The following MYO10 variants were observed in gnomAD, a reference collection of about 807,000 sequenced individuals.
The protein encoded by MYO10 is myosin X, also known as unconventional myosin-X.
In MYO10, 133 loss-of-function variants were observed where a neutral mutation model predicts 257.3. The observed-to-expected ratio is 0.52, with a 90% CI of 0.45 to 0.60. The LOEUF (loss-of-function observed/expected upper bound fraction) is 0.60. MYO10 is among the 20% of genes least tolerant of loss of function. The pLI is 0.00. For synonymous variants in MYO10, 1,104 were observed against 1,028.6 expected (o/e 1.07, Z -1.40); for missense variants, 2,399 against 2,635.7 (o/e 0.91, Z 1.97).
At chr5:16,913,268 C>A (rs900799290) in intron 1 of MYO10, among the ~76,000 whole-genome samples, 4 of 152,106 alleles carry the variant, frequency 2.6e-5, no homozygotes, top group Non-Finnish European at 4.4e-5. Flanking sequence ...CCTGTCAGGT[C>A]ATTTTAAAAA....
In MYO10 at chr5:16,856,477, G is replaced by C. The variant is rs558309519; in HGVS notation, c.120+21132C>G. ...AGGCAGGAGAATCGCTTGAACCTGGGAGGCGGAGGTTGCAGTGAGCCGAGA... is the reference window on the plus strand; with the variant it reads ...AGGCAGGAGAATCGCTTGAACCTGGCAGGCGGAGGTTGCAGTGAGCCGAGA... On this transcript the variant is annotated intron_variant, in intron 2 of 40. Transcript: ENST00000513610. 2.9e-4 allele frequency among the ~76,000 whole-genome samples: 44 copies of C among 152,060 alleles called. 1 individual carries two copies. In the South Asian group the frequency reaches 8.9e-3, roughly 31 times the overall value.
chr5:16,848,481 A>C (rs1743707195), intron 2 of MYO10, among the ~76,000 whole-genome samples: 1 of 152,090 alleles, frequency 6.6e-6, no homozygotes, highest in African/African-American at 2.4e-5. Flanking sequence ...TTTACTGCAG[A>C]AATTAAGATC....
chr5:16,863,358 G>C (rs1369746434), intron 2 of MYO10, among the ~76,000 whole-genome samples: 2 of 149,872 alleles, frequency 1.3e-5, no homozygotes, highest in Non-Finnish European at 1.5e-5. Context: ...CCATGTTCTA[G>C]GAAAAAGGGT....
At chr5:16,757,601 A>T (rs1740572980) in intron 18 of MYO10, among the ~76,000 whole-genome samples, 1 of 152,144 alleles carries the variant, frequency 6.6e-6, no homozygotes, top group South Asian at 2.1e-4. Flanking sequence ...ATAGCCATTT[A>T]TTTTTTTAAA....
intron 18 of MYO10, among the ~76,000 whole-genome samples, chr5:16,757,754 TC>T (rs35319799): frequency 6.6e-6 from 1 of 151,984 alleles, no homozygotes. Flanking sequence ...AATCTTGATC[TC>T]CCAGGCTCAG....
intron 1 of MYO10, among the ~76,000 whole-genome samples, chr5:16,903,060 G>A (rs1745428287): frequency 2.0e-5 from 3 of 152,288 alleles, no homozygotes; most frequent in Admixed American, 6.5e-5. Flanking sequence ...TGTCCTAAAC[G>A]CTTCACACGC....
intron 3 of MYO10, among the ~76,000 whole-genome samples, chr5:16,808,212 C>T (rs6877076): frequency 0.014 from 2,174 of 152,278 alleles, 59 homozygotes; most frequent in African/African-American, 0.05. Flanking sequence ...CCTGTAATCC[C>T]AGCACTTTAG....
chr5:16,709,633 G>A (rs540620477), intron 21 of MYO10, among the ~76,000 whole-genome samples: 1 of 152,240 alleles, frequency 6.6e-6, no homozygotes, highest in African/African-American at 2.4e-5. Context: ...ATACCCTGAG[G>A]TCCAGAAAAG....
intron 19 of MYO10, among the ~76,000 whole-genome samples, chr5:16,719,965 TAAAG>T (rs1365376163): frequency 3.3e-5 from 5 of 149,848 alleles, no homozygotes; most frequent in Admixed American, 6.7e-5. Context: ...ACTCGGTCCC[TAAAG>T]AAATAAATGT....
chr5:16,849,404 C>A (rs1043420114), intron 2 of MYO10, among the ~76,000 whole-genome samples: 1 of 150,624 alleles, frequency 6.6e-6, no homozygotes, highest in South Asian at 2.1e-4. Context: ...AGAGTTTGTG[C>A]CACTAGAATC....
Position 16,742,783 on chromosome 5 carries a change from C to T in MYO10, c.1929+12045G>A, listed in dbSNP as rs542461516. Reference sequence around the variant, plus strand: ...TGAGATCACACCACTGCACTCCAGCCTGGGTGACACAGAGCAAGACTCGGT... The same window carrying T: ...TGAGATCACACCACTGCACTCCAGCTTGGGTGACACAGAGCAAGACTCGGT... On this transcript the variant is annotated intron_variant, in intron 19 of 40. Transcript: ENST00000513610. Among the ~76,000 whole-genome samples the T allele has an allele frequency of 2.7e-5, 4 of 149,010 alleles. No homozygotes were observed. In the East Asian group the frequency reaches 8.0e-4, roughly 30 times the overall value.
intron 19 of MYO10, among the ~76,000 whole-genome samples, chr5:16,722,778 A>G (rs1739200165): frequency 6.6e-6 from 1 of 152,248 alleles, no homozygotes; most frequent in African/African-American, 2.4e-5. Context: ...CTTTGGGGAT[A>G]ACTTTGATAC....
At chr5:16,818,946 A>G (rs1580028999) in intron 2 of MYO10, among the ~76,000 whole-genome samples, 1 of 152,228 alleles carries the variant, frequency 6.6e-6, no homozygotes, top group East Asian at 1.9e-4. Context: ...TGGTTTCCCT[A>G]TATAATGTTT....
chr5:16,754,315 CATT>C, intron 19 of MYO10, among the ~76,000 whole-genome samples: 1 of 152,038 alleles, frequency 6.6e-6, no homozygotes, highest in East Asian at 1.9e-4. Flanking sequence ...AGAGCCAAGA[CATT>C]AATACTTATG....
At position 16,843,907 on chromosome 5, in the gene MYO10, T is replaced by G. The variant is rs188320713; in HGVS notation, c.121-25740A>C. On this transcript the variant is annotated intron_variant, in intron 2 of 40. Transcript: ENST00000513610. ...ACCTGAAAAGGTTAAGTGAAGACAC[T>G]ACTAAATAATAATTACATGGTTATA... 3.7e-3 allele frequency among the ~76,000 whole-genome samples: 569 copies of G among 152,328 alleles called. 1 individual carries two copies. The highest frequency in any genetic ancestry group is 5.9e-3 in the Non-Finnish European group (401 of 68,030).
At chr5:16,681,213 T>A in intron 32 of MYO10, 96 bp downstream of exon 32, 1 of 1,308,272 alleles carries the variant, frequency 7.6e-7, no homozygotes, top group Non-Finnish European at 1.0e-6. Context: ...TGGGGGGAAA[T>A]AAAGTACACA....
intron 2 of MYO10, among the ~76,000 whole-genome samples, chr5:16,848,786 C>T (rs73060796): frequency 0.047 from 7,188 of 152,130 alleles, 594 homozygotes; most frequent in African/African-American, 0.17. Flanking sequence ...ATTGGAAACA[C>T]TGCCTTAGGG....
At chr5:16,736,047 C>T (rs936232433) in intron 19 of MYO10, among the ~76,000 whole-genome samples, 4 of 152,116 alleles carry the variant, frequency 2.6e-5, no homozygotes, top group South Asian at 2.1e-4. Flanking sequence ...CTCAGATACG[C>T]GACTACACAT....
At chr5:16,811,433 T>A (rs908666528) in intron 3 of MYO10, among the ~76,000 whole-genome samples, 17 of 152,176 alleles carry the variant, frequency 1.1e-4, no homozygotes, top group Admixed American at 9.8e-4. Context: ...CCAGCCAGCA[T>A]CTGATTCCAT....
Sources: gnomAD v4.1 joint callset for allele counts (sites outside exome capture counted in the v4.1 genomes callset) on GRCh38, gnomAD v4.1.1 for gene constraint, MANE v1.5 for transcripts, NCBI Gene and HGNC (gene_info 2026-07-23, HGNC 2026-07-21) for gene names.